DENND1A: variants seen among roughly 807,000 people sequenced by gnomAD.
DENND1A encodes the protein DENN domain containing 1A.
A neutral mutation model predicts 113.7 loss-of-function variants in DENND1A; 51 were observed. The observed-to-expected ratio is 0.45, with a 90% CI of 0.36 to 0.57. The LOEUF (loss-of-function observed/expected upper bound fraction) is 0.57. Among genes scored for constraint, DENND1A ranks in the 20% least tolerant of loss-of-function variants. The probability of loss-of-function intolerance (pLI) is 0.00; values close to 1 mark genes in which losing one functional copy is unlikely to be tolerated. For missense variants in DENND1A, 1,258 were observed against 1,395.9 expected (o/e 0.90, Z 1.57); for synonymous variants, 565 against 570.8 (o/e 0.99, Z 0.14).
intron 5 of DENND1A, among the ~76,000 whole-genome samples, chr9:123,693,916 C>T (rs28363917): frequency 0.091 from 13,730 of 151,134 alleles, 1,399 homozygotes; most frequent in African/African-American, 0.25. Flanking sequence ...CAACATCTGC[C>T]TCCCAGGTTC....
At chr9:123,387,383 G>T (rs2042619776) in intron 22 of DENND1A, among the ~76,000 whole-genome samples, 1 of 152,166 alleles carries the variant, frequency 6.6e-6, no homozygotes, top group African/African-American at 2.4e-5. Flanking sequence ...TTTCCAAGAT[G>T]TGCTGAGATA....
At chr9:123,658,656 T>C (rs2063084525) in intron 8 of DENND1A, among the ~76,000 whole-genome samples, 1 of 152,262 alleles carries the variant, frequency 6.6e-6, no homozygotes, top group Non-Finnish European at 1.5e-5. Context: ...AAAAGCCAAC[T>C]GAAAGGAATT....
chr9:123,749,601 A>AT, intron 5 of DENND1A, among the ~76,000 whole-genome samples: 1 of 152,310 alleles, frequency 6.6e-6, no homozygotes, highest in Admixed American at 6.5e-5. Flanking sequence ...ATATTAAATA[A>AT]ATGCTGATAA....
In DENND1A at chr9:123,769,523, T is replaced by C. The variant is rs375141317; in HGVS notation, c.173A>G (p.Tyr58Cys). The change falls in exon 4 of 24, where the codon TAT becomes TGT. Residue 58 changes from tyrosine (Y) to cysteine (C), a missense_variant. Physicochemically the swap from Tyr to Cys is radical, Grantham distance 194. Around this residue, in one of 2 missense-constraint regions of DENND1A, gnomAD observed 99 missense variants for 164.2 expected, o/e 0.60. Transcript: ENST00000394215. The stretch of plus-strand genomic sequence containing the variant: ...GAAAATCTGACACTACCTGTCCACA[T>C]AGAAGGGGAAACAAAACTTGGTCAA... ...QTLTKFCFPFYVDSLTVSQVG... is the reference protein window; with the variant it reads ...QTLTKFCFPFCVDSLTVSQVG... The C allele has an allele frequency of 2.5e-5, 40 of 1,608,940 alleles. No individual in the cohort carries two copies. The African/African-American group carries it at 4.4e-4, about 18-fold the overall frequency.
chr9:123,409,695 G>A (rs2044153116), intron 20 of DENND1A, among the ~76,000 whole-genome samples: 1 of 152,074 alleles, frequency 6.6e-6, no homozygotes, highest in Non-Finnish European at 1.5e-5. Context: ...CTGGGATGAG[G>A]TACCTAAGAA....
At chr9:123,732,751 C>T (rs2068268136) in intron 5 of DENND1A, among the ~76,000 whole-genome samples, 2 of 152,122 alleles carry the variant, frequency 1.3e-5, no homozygotes. Flanking sequence ...TTGTAATACA[C>T]TTATCTGATT....
chr9:123,549,840 A>G (rs2056932562), intron 13 of DENND1A, among the ~76,000 whole-genome samples: 1 of 152,188 alleles, frequency 6.6e-6, no homozygotes, highest in Non-Finnish European at 1.5e-5. Context: ...TAAATACAAA[A>G]GGCATATGTA....
chr9:123,875,554 T>C (rs1256921280), intron 2 of DENND1A, among the ~76,000 whole-genome samples: 2 of 152,320 alleles, frequency 1.3e-5, no homozygotes, highest in South Asian at 2.1e-4. Context: ...ATTGGCTCAC[T>C]GCCCACAGCC....
intron 2 of DENND1A, among the ~76,000 whole-genome samples, chr9:123,801,224 T>C (rs1185663099): frequency 1.3e-5 from 2 of 152,228 alleles, no homozygotes; most frequent in African/African-American, 2.4e-5. Context: ...TTGAGTACAT[T>C]CACATTGTTG....
intron 3 of DENND1A, among the ~76,000 whole-genome samples, chr9:123,777,916 A>C (rs1830695948): frequency 6.6e-6 from 1 of 152,198 alleles, no homozygotes; most frequent in African/African-American, 2.4e-5. Flanking sequence ...AACTGTTTCA[A>C]ATCAACTTTT....
At chr9:123,438,881 CT>C (rs541617584) in intron 19 of DENND1A, among the ~76,000 whole-genome samples, 22 of 152,308 alleles carry the variant, frequency 1.4e-4, no homozygotes, top group African/African-American at 5.3e-4. Context: ...ATAGGGCCTC[CT>C]TTTTTTGTGT....
At chr9:123,586,115 C>T (rs2059151014) in intron 11 of DENND1A, among the ~76,000 whole-genome samples, 3 of 152,164 alleles carry the variant, frequency 2.0e-5, no homozygotes, top group South Asian at 4.2e-4. Flanking sequence ...TCCTGGAGGA[C>T]GTGATGCCTC....
intron 8 of DENND1A, among the ~76,000 whole-genome samples, chr9:123,662,721 A>G (rs1251543791): frequency 2.0e-5 from 3 of 152,216 alleles, no homozygotes; most frequent in African/African-American, 7.2e-5. Context: ...TACGTGACAA[A>G]AAGTTGTATA....
At chr9:123,392,838 C>G (rs1329058257) in intron 21 of DENND1A, among the ~76,000 whole-genome samples, 2 of 152,146 alleles carry the variant, frequency 1.3e-5, no homozygotes, top group African/African-American at 4.8e-5. Flanking sequence ...GCCGAGGCCC[C>G]AGAGTCCCTT....
intron 5 of DENND1A, among the ~76,000 whole-genome samples, chr9:123,746,319 A>G (rs559152203): frequency 6.6e-6 from 1 of 152,210 alleles, no homozygotes; most frequent in Non-Finnish European, 1.5e-5. Context: ...TGCCACTGAA[A>G]TAACTGAGAC....
chr9:123,805,748 T>A (rs1835439179), intron 2 of DENND1A, among the ~76,000 whole-genome samples: 1 of 152,160 alleles, frequency 6.6e-6, no homozygotes, highest in African/African-American at 2.4e-5. Context: ...ATTATTTTAA[T>A]AATTTTGTGC....
rs551131472 is a variant in DENND1A, at chr9:123,382,061, G to T, written c.2584C>A (p.Arg862Ser). Residue 862 changes from arginine to serine, a missense_variant, in exon 24 of 24, where the codon CGC (arginine) becomes AGC (serine). By Grantham distance (110) the Arg-to-Ser change is moderately radical. Around this residue, in one of 2 missense-constraint regions of DENND1A, gnomAD observed 1,159 missense variants for 1,231.7 expected, o/e 0.94. Coordinates refer to ENST00000394215, the MANE Select transcript of DENND1A (RefSeq NM_001352964.2). Reference protein sequence around the residue: ...TAWSGSTLPSRPATPNVATPF... With the variant: ...TAWSGSTLPSSPATPNVATPF... ...GTGGCTACATTCGGGGTGGCGGGGC[G>T]TGACGGGAGGGTGCTGCCTGACCAG... 6.6e-7 allele frequency: 1 copy of T among 1,506,472 alleles called. No homozygotes were observed. 93.3% of individuals were successfully genotyped at this position (1,506,472 alleles called of 1,614,324 possible).
rs769765751 is a variant in DENND1A, at chr9:123,457,930, G to A, written c.994-33C>T. On this transcript the variant is annotated intron_variant, in intron 13 of 23. Coordinates refer to ENST00000394215, the MANE Select transcript of DENND1A (RefSeq NM_001352964.2). Reference sequence around the variant, plus strand: ...GTGCAGAGGGGAGAGGTGGGTCAGTGGCACGGAGCAAGAGCCATCAGTTTT... The same window carrying A: ...GTGCAGAGGGGAGAGGTGGGTCAGTAGCACGGAGCAAGAGCCATCAGTTTT... 5.8e-5 allele frequency: 90 copies of A among 1,538,580 alleles called. 1 individual carries two copies. The South Asian group carries it at 6.1e-4, about 10-fold the overall frequency.
rs550256392 is a variant in DENND1A, at chr9:123,919,600, G to T, written c.17+10289C>A. On this transcript the variant is annotated intron_variant, in intron 1 of 23. Coordinates refer to ENST00000394215, the MANE Select transcript of DENND1A (RefSeq NM_001352964.2). ...TATTTAAGAATGATATGACATCTGCGGCCTGGAATGGTGGCTCACACCTGT... is the reference window on the plus strand; with the variant it reads ...TATTTAAGAATGATATGACATCTGCTGCCTGGAATGGTGGCTCACACCTGT... 2.6e-5 allele frequency among the ~76,000 whole-genome samples: 4 copies of T among 151,610 alleles called. No homozygotes were observed. In the South Asian group the frequency reaches 6.2e-4, roughly 24 times the overall value.
Sources: gnomAD v4.1 joint callset for allele counts (sites outside exome capture counted in the v4.1 genomes callset) on GRCh38, gnomAD v4.1.1 for gene constraint, gnomAD v4.1.1 regional missense constraint, MANE v1.5 for transcripts, NCBI Gene and HGNC (gene_info 2026-07-23, HGNC 2026-07-21) for gene names.